Variants in ARHGAP21 observed in about 807,000 individuals in gnomAD.
The protein encoded by ARHGAP21 is Rho GTPase activating protein 21, also known as rho GTPase-activating protein 21.
ARHGAP21 carries 38 observed loss-of-function variants against 164.6 expected under a neutral mutation model. The ratio of observed to expected loss-of-function variants is 0.23; its 90% CI spans 0.18 to 0.30. ARHGAP21 has a LOEUF of 0.30. Ranked by LOEUF, ARHGAP21 falls within the 10% of genes least tolerant of loss-of-function variation. The pLI is 1.00. For missense variants in ARHGAP21, 1,822 were observed against 2,370.7 expected (o/e 0.77, Z 4.81); for synonymous variants, 766 against 857.9 (o/e 0.89, Z 1.87).
intron 5 of ARHGAP21, among the ~76,000 whole-genome samples, chr10:24,633,883 C>CTTTTTTTTTTTTTTT (rs3073324): frequency 1.1e-4 from 8 of 75,496 alleles, no homozygotes; most frequent in South Asian, 5.2e-4. Flanking sequence ...CTTTTTTTCT[C>CTTTTTTTTTTTTTTT]TTTTTTTTTT....
intron 2 of ARHGAP21, among the ~76,000 whole-genome samples, chr10:24,704,770 T>C (rs1019647992): frequency 3.9e-5 from 6 of 152,016 alleles, no homozygotes; most frequent in African/African-American, 1.4e-4. Context: ...CGTCTGGTGG[T>C]AATTTTTCTA....
chr10:24,595,682 A>AT lies in ARHGAP21; in HGVS notation c.3712+34dup, dbSNP rs755954255. 6 of 1,577,008 alleles carry AT rather than the reference A, an allele frequency of 3.8e-6. No homozygotes were observed. In the South Asian group the frequency reaches 6.8e-5, roughly 18 times the overall value. ...TGGTTTTCCAATTGTAACTTGAACCATTTCATCTGGTATCTTTCACGGGAG... is the reference window on the plus strand; with the variant it reads ...TGGTTTTCCAATTGTAACTTGAACCATTTTCATCTGGTATCTTTCACGGGAG... On this transcript the variant is annotated intron_variant, in intron 19 of 25. Coordinates refer to ENST00000396432, the MANE Select transcript of ARHGAP21 (RefSeq NM_020824.4).
intron 7 of ARHGAP21, 107 bp from the exon 8 acceptor site, chr10:24,622,869 T>C (rs544791252): frequency 1.8e-6 from 2 of 1,111,238 alleles, no homozygotes; most frequent in Admixed American, 4.8e-5. Context: ...CATCTATACT[T>C]GTTTCTCTGG....
chr10:24,674,714 T>TAC (rs200032243), intron 2 of ARHGAP21, among the ~76,000 whole-genome samples: 1,529 of 151,262 alleles, frequency 0.01, 19 homozygotes, highest in East Asian at 0.038. Flanking sequence ...ATGAAAAGTA[T>TAC]ACACACACAC....
intron 2 of ARHGAP21, among the ~76,000 whole-genome samples, chr10:24,720,781 G>T (rs774441962): frequency 6.6e-6 from 1 of 152,170 alleles, no homozygotes; most frequent in Non-Finnish European, 1.5e-5. Context: ...CGGTGCAAAA[G>T]AAAGTGAGAC....
chr10:24,620,027 C>T lies in ARHGAP21; in HGVS notation c.1868G>A (p.Ser623Asn), dbSNP rs777520178. The T allele has an allele frequency of 1.9e-6, 3 of 1,613,970 alleles. No homozygotes were observed. Among genetic ancestry groups the T allele is most frequent in the Non-Finnish European group, 2.5e-6 (3 of 1,179,858 alleles). ...CGTGGAAGGAGCTTTCAGAGAATTA[C>T]TTCGGACTTTCACAAGAGGTGACCT... ...QDRSPLVKVR[S>N]NSLKAPSTHV... The change falls in exon 9 of 26, where the codon AGT becomes AAT. Residue 623 changes from serine (S) to asparagine (N), a missense_variant. Around this residue, in one of 5 missense-constraint regions of ARHGAP21, gnomAD observed 1,090 missense variants for 1,378.9 expected, o/e 0.79. Coordinates refer to ENST00000396432, the MANE Select transcript of ARHGAP21 (RefSeq NM_020824.4).
At chr10:24,644,005 C>T (rs796581929) in intron 4 of ARHGAP21, among the ~76,000 whole-genome samples, 1 of 152,170 alleles carries the variant, frequency 6.6e-6, no homozygotes, top group African/African-American at 2.4e-5. Flanking sequence ...TGAGTCACCA[C>T]ACCCGGCCAT....
At chr10:24,681,881 G>A (rs1019082968) in intron 2 of ARHGAP21, among the ~76,000 whole-genome samples, 1 of 152,042 alleles carries the variant, frequency 6.6e-6, no homozygotes, top group African/African-American at 2.4e-5. Flanking sequence ...TTGTAACACT[G>A]GAAGATGGCA....
chr10:24,714,474 GC>G (rs1845160846), intron 2 of ARHGAP21: 1 of 152,100 alleles, frequency 6.6e-6, no homozygotes, highest in South Asian at 2.1e-4. Flanking sequence ...CTAGTGATAG[GC>G]CCCACTCAAT....
chr10:24,614,190 C>A (rs1468274279), intron 9 of ARHGAP21, among the ~76,000 whole-genome samples: 1 of 152,068 alleles, frequency 6.6e-6, no homozygotes, highest in Admixed American at 6.6e-5. Flanking sequence ...GGTCAAGAGA[C>A]CTGGTGTGTT....
chr10:24,622,435 TATATATATATATATA>T (rs942238873), intron 8 of ARHGAP21, among the ~76,000 whole-genome samples: 1 of 1,836 alleles, frequency 5.4e-4, no homozygotes, highest in African/African-American at 3.2e-3. Flanking sequence ...TTAAAAAACA[TATATATATATATATA>T]TATATATATA....
intron 2 of ARHGAP21, among the ~76,000 whole-genome samples, chr10:24,695,411 A>T (rs1843089848): frequency 6.6e-6 from 1 of 152,070 alleles, no homozygotes; most frequent in South Asian, 2.1e-4. Context: ...TCTACTAAAA[A>T]TACAAAAATT....
At chr10:24,595,276 C>A in intron 19 of ARHGAP21, 86 bp from the exon 20 acceptor site, 1 of 1,127,266 alleles carries the variant, frequency 8.9e-7, no homozygotes, top group Non-Finnish European at 1.3e-6. Flanking sequence ...CAATTTTAAA[C>A]CACAACATAG....
At chr10:24,702,124 G>GTTT (rs1464343192) in intron 2 of ARHGAP21, among the ~76,000 whole-genome samples, 4 of 90,908 alleles carry the variant, frequency 4.4e-5, no homozygotes, top group South Asian at 3.9e-4. Context: ...AATACTTCCG[G>GTTT]TTCTTTTTTT....
chr10:24,715,620 A>T (rs1212872468), intron 2 of ARHGAP21, among the ~76,000 whole-genome samples: 1 of 152,250 alleles, frequency 6.6e-6, no homozygotes, highest in Non-Finnish European at 1.5e-5. Context: ...CAAAAATTTT[A>T]ACAGCAGTTC....
intron 9 of ARHGAP21, among the ~76,000 whole-genome samples, chr10:24,610,549 AAAACAATGTTTTCC>A (rs1434120932): frequency 6.6e-6 from 1 of 152,164 alleles, no homozygotes; most frequent in East Asian, 1.9e-4. Context: ...TTTGCTTTGG[AAAACAATGTTTTCC>A]AAAAGTAAAT....
At chr10:24,612,670 C>CTA (rs928947616) in intron 9 of ARHGAP21, among the ~76,000 whole-genome samples, 1 of 151,508 alleles carries the variant, frequency 6.6e-6, no homozygotes, top group African/African-American at 2.4e-5. Flanking sequence ...CTGGTTAATA[C>CTA]GGTGAAACCC....
intron 2 of ARHGAP21, among the ~76,000 whole-genome samples, chr10:24,671,693 A>G (rs1434857203): frequency 6.6e-6 from 1 of 150,702 alleles, no homozygotes; most frequent in Non-Finnish European, 1.5e-5. Flanking sequence ...CTGCATACAC[A>G]TATTTTGTAA....
chr10:24,587,352 AAG>A (rs1309303889), intron 25 of ARHGAP21, among the ~76,000 whole-genome samples: 1 of 152,096 alleles, frequency 6.6e-6, no homozygotes, highest in Non-Finnish European at 1.5e-5. Flanking sequence ...CACACTTTTT[AAG>A]ACAAGCAGGT....
Sources: allele counts gnomAD v4.1 joint callset (sites outside exome capture counted in the v4.1 genomes callset), GRCh38; gene constraint gnomAD v4.1.1; regional missense constraint gnomAD v4.1.1; transcripts MANE v1.5; gene names NCBI Gene and HGNC (gene_info 2026-07-23, HGNC 2026-07-21).